The following RAPGEF6 variants were observed in gnomAD, a reference collection of about 807,000 sequenced individuals.
RAPGEF6 encodes PDZ domain containing guanine nucleotide exchange factor (GEF) 2.
In RAPGEF6, 56 loss-of-function variants were observed where a neutral mutation model predicts 171.4. That is an observed-to-expected ratio of 0.33 (90% CI 0.26 to 0.41). The LOEUF is 0.41. RAPGEF6 is among the 10% of genes least tolerant of loss of function. The probability of loss-of-function intolerance (pLI) is 1.00; values close to 1 mark genes in which losing one functional copy is unlikely to be tolerated. For synonymous variants in RAPGEF6, 692 were observed against 650.1 expected (o/e 1.06, Z -0.98); for missense variants, 1,674 against 1,921.4 (o/e 0.87, Z 2.41).
intron 1 of RAPGEF6, among the ~76,000 whole-genome samples, chr5:131,608,049 C>G (rs1019046517): frequency 6.6e-6 from 1 of 152,144 alleles, no homozygotes; most frequent in Non-Finnish European, 1.5e-5. Context: ...TATTTAGCAA[C>G]GTCTGGAGTT....
chr5:131,471,607 C>A (rs1380931200), intron 17 of RAPGEF6, among the ~76,000 whole-genome samples: 3 of 152,058 alleles, frequency 2.0e-5, no homozygotes, highest in Non-Finnish European at 2.9e-5. Flanking sequence ...ATTGTATATG[C>A]CTTTTATTGA....
intron 21 of RAPGEF6, chr5:131,447,499 TACA>T (rs757126804): frequency 4.8e-4 from 73 of 152,330 alleles, no homozygotes; most frequent in Middle Eastern, 3.4e-3. Flanking sequence ...GCAAACATCC[TACA>T]ACGACTGCAC....
At chr5:131,552,725 T>G (rs1255133409) in intron 5 of RAPGEF6, among the ~76,000 whole-genome samples, 1 of 152,106 alleles carries the variant, frequency 6.6e-6, no homozygotes, top group African/African-American at 2.4e-5. Context: ...CCTCTCAAAG[T>G]GCTCACATTA....
intron 7 of RAPGEF6, among the ~76,000 whole-genome samples, chr5:131,516,429 G>T (rs575667539): frequency 2.0e-5 from 3 of 152,152 alleles, no homozygotes; most frequent in African/African-American, 7.2e-5. Context: ...TGGTGAAAAC[G>T]TGGCACCAGA....
At chr5:131,578,988 G>A (rs1273381874) in intron 4 of RAPGEF6, among the ~76,000 whole-genome samples, 2 of 152,114 alleles carry the variant, frequency 1.3e-5, no homozygotes, top group African/African-American at 4.8e-5. Context: ...GCGGACCCTC[G>A]TAGTGAGTGT....
intron 1 of RAPGEF6, among the ~76,000 whole-genome samples, chr5:131,611,575 G>C (rs771997443): frequency 2.6e-5 from 4 of 152,160 alleles, no homozygotes; most frequent in Non-Finnish European, 4.4e-5. Flanking sequence ...AGGAGGCTCA[G>C]GCACAAAAAT....
intron 17 of RAPGEF6, among the ~76,000 whole-genome samples, chr5:131,465,109 G>A (rs1239703602): frequency 6.6e-6 from 1 of 151,728 alleles, no homozygotes; most frequent in Non-Finnish European, 1.5e-5. Flanking sequence ...CTGCTGTATT[G>A]TAGTAGATAA....
At chr5:131,467,679 CA>C (rs1290647282) in intron 17 of RAPGEF6, among the ~76,000 whole-genome samples, 4 of 152,118 alleles carry the variant, frequency 2.6e-5, no homozygotes, top group African/African-American at 9.7e-5. Context: ...ATTTTAGGCA[CA>C]AATCTAAAAT....
chr5:131,439,748 C>A (rs770144082), intron 23 of RAPGEF6, 33 bp from the exon 24 acceptor site: 1 of 1,603,272 alleles, frequency 6.2e-7, no homozygotes, highest in East Asian at 2.2e-5. Flanking sequence ...AAATAAGCAT[C>A]GTTTCACAAT....
At chr5:131,508,333 A>C (rs1757500763) in intron 8 of RAPGEF6, 126 bp from the exon 9 acceptor site, 1 of 949,476 alleles carries the variant, frequency 1.1e-6, no homozygotes, top group East Asian at 2.7e-5. Flanking sequence ...AAAGTAGAGA[A>C]ACTAAGGTAC....
At chr5:131,446,777 A>G (rs565390749) in intron 21 of RAPGEF6, 74 bp from the exon 22 acceptor site, 1 of 1,369,956 alleles carries the variant, frequency 7.3e-7, no homozygotes, top group Admixed American at 2.1e-5. Flanking sequence ...AGATTAAAAG[A>G]TTTTGTTCTG....
intron 6 of RAPGEF6, among the ~76,000 whole-genome samples, chr5:131,528,240 CAT>C (rs1192373584): frequency 2.7e-4 from 28 of 102,274 alleles, no homozygotes; most frequent in Non-Finnish European, 3.5e-4. Context: ...ATTTATATAT[CAT>C]ATATATAAAT....
chr5:131,542,173 C>G (rs2149940656), intron 6 of RAPGEF6, among the ~76,000 whole-genome samples: 1 of 152,240 alleles, frequency 6.6e-6, no homozygotes, highest in South Asian at 2.1e-4. Flanking sequence ...CTTTAGCTTA[C>G]TTGTTTATAT....
chr5:131,588,867 G>C (rs1251810385), intron 4 of RAPGEF6, among the ~76,000 whole-genome samples: 2 of 152,096 alleles, frequency 1.3e-5, no homozygotes, highest in Non-Finnish European at 1.5e-5. Context: ...GAGGTCAAGA[G>C]TTTGAGACCA....
intron 6 of RAPGEF6, among the ~76,000 whole-genome samples, chr5:131,527,082 GCTA>G (rs959828958): frequency 2.0e-5 from 3 of 152,098 alleles, no homozygotes; most frequent in Admixed American, 1.3e-4. Flanking sequence ...TGATATAAGA[GCTA>G]CTATATTTCT....
chr5:131,621,732 G>A (rs1323745934), intron 1 of RAPGEF6, among the ~76,000 whole-genome samples: 1 of 152,082 alleles, frequency 6.6e-6, no homozygotes, highest in Non-Finnish European at 1.5e-5. Context: ...CAGGCACAAC[G>A]ATCATGGGCC....
intron 22 of RAPGEF6, among the ~76,000 whole-genome samples, chr5:131,445,338 ATTCT>A (rs1752614159): frequency 1.3e-5 from 2 of 152,144 alleles, no homozygotes; most frequent in Non-Finnish European, 2.9e-5. Flanking sequence ...CCTGTTTTCT[ATTCT>A]TTCTTTTGAC....
intron 11 of RAPGEF6, among the ~76,000 whole-genome samples, chr5:131,501,338 A>G (rs1278691613): frequency 2.1e-5 from 3 of 142,768 alleles, no homozygotes; most frequent in Non-Finnish European, 4.5e-5. Flanking sequence ...TTTGTCTCCA[A>G]AAAAAAAAAA....
chr5:131,476,041 G>T (rs958092632), intron 16 of RAPGEF6, among the ~76,000 whole-genome samples: 4 of 152,108 alleles, frequency 2.6e-5, no homozygotes, highest in African/African-American at 9.7e-5. Flanking sequence ...AATACAGAAA[G>T]AAAGCAGAGA....
Sources: gnomAD v4.1 joint callset for allele counts (sites outside exome capture counted in the v4.1 genomes callset) on GRCh38, gnomAD v4.1.1 for gene constraint, MANE v1.5 for transcripts, NCBI Gene and HGNC (gene_info 2026-07-23, HGNC 2026-07-21) for gene names.